The following ADAMTS13 variants were observed in gnomAD, a reference collection of about 807,000 sequenced individuals.
ADAMTS13 encodes the protein A disintegrin and metalloproteinase with thrombospondin motifs 13.
ADAMTS13 carries 110 observed loss-of-function variants against 155.1 expected under a neutral mutation model. The observed-to-expected ratio is 0.71, with a 90% CI of 0.61 to 0.83. The LOEUF is 0.83. ADAMTS13 is among the 40% of genes least tolerant of loss of function. ADAMTS13 has a pLI of 0.00. For missense variants in ADAMTS13, 1,707 were observed against 1,891.7 expected (o/e 0.90, Z 1.81); for synonymous variants, 758 against 756.4 (o/e 1.00, Z -0.03).
At chr9:133,435,529 C>CTT (rs1841122347) in intron 11 of ADAMTS13, among the ~76,000 whole-genome samples, 1 of 139,724 alleles carries the variant, frequency 7.2e-6, no homozygotes, top group South Asian at 2.3e-4. Context: ...TTCTTTCTTT[C>CTT]TTTATTTTTT....
Position 133,449,842 on chromosome 9 carries a change from T to C in ADAMTS13, c.2921T>C (p.Ile974Thr). The C allele has an allele frequency of 6.2e-7, 1 of 1,613,950 alleles. No individual in the cohort carries two copies. Among genetic ancestry groups the C allele is most frequent in the Non-Finnish European group, 8.5e-7 (1 of 1,179,988 alleles). The change falls in exon 23 of 29, where the codon ATC becomes ACC. Residue 974 changes from isoleucine to threonine, a missense_variant. Physicochemically the swap from Ile to Thr is moderately conservative, Grantham distance 89. Coordinates refer to ENST00000355699, the MANE Select transcript of ADAMTS13 (RefSeq NM_139027.6). ...TGTGGGAGAGGGGTCGTGCGGAGGA[T>C]CCTGTATTGTGCCCGGGCCCATGGG... ...VSCGRGVVRR[I>T]LYCARAHGED... is the part of the protein sequence containing the mutation.
intron 23 of ADAMTS13, among the ~76,000 whole-genome samples, chr9:133,453,764 A>G (rs942331433): frequency 3.3e-5 from 5 of 152,170 alleles, no homozygotes; most frequent in South Asian, 2.1e-4. Flanking sequence ...TGATGCCCCA[A>G]TGGAGAACAA....
At chr9:133,444,806 A>G (rs371235752) in intron 19 of ADAMTS13, 57 bp from the exon 20 acceptor site, 327 of 1,584,094 alleles carry the variant, frequency 2.1e-4, no homozygotes, top group Non-Finnish European at 2.5e-4. Flanking sequence ...CAGCTGGGCT[A>G]TACCTTCCCC....
intron 23 of ADAMTS13, 53 bp from the exon 24 acceptor site, chr9:133,454,356 TGGGGCA>T: frequency 6.3e-7 from 1 of 1,591,816 alleles, no homozygotes; most frequent in South Asian, 1.1e-5. Flanking sequence ...GGGGCCTGCG[TGGGGCA>T]GTACTGTCTC....
chr9:133,415,927 G>A (rs917816654), intron 1 of ADAMTS13: 4 of 152,410 alleles, frequency 2.6e-5, no homozygotes, highest in African/African-American at 9.7e-5. Context: ...CGCTCGGGGA[G>A]GCTGAGGTGG....
rs1228216979 is a variant in ADAMTS13, at chr9:133,441,656, C to T, written c.1969-743C>T. 1.3e-5 allele frequency among the ~76,000 whole-genome samples: 2 copies of T among 152,194 alleles called. No homozygotes were observed. The highest frequency in any genetic ancestry group is 2.9e-5 in the Non-Finnish European group (2 of 68,026). On this transcript the variant is annotated intron_variant, in intron 16 of 28. Transcript: ENST00000355699. This position sits in a 1 kb window ranked among gnomAD's most constrained non-coding sequence, Gnocchi z 5.0. ...GGACCCAGTTACCCTCCTGAAGAGC[C>T]TTAGGCCCAGGAACCTGCTGAAGTT...
In ADAMTS13 at chr9:133,456,431, T is replaced by G. The variant is rs1554796017; in HGVS notation, c.3548-112T>G. Reference sequence around the variant, plus strand: ...ATGTGCCCAGTTACTTAGAGTCACATAGCCAGCAGTGGGAGAGGTGGGACT... The same window carrying G: ...ATGTGCCCAGTTACTTAGAGTCACAGAGCCAGCAGTGGGAGAGGTGGGACT... On this transcript the variant is annotated intron_variant, in intron 26 of 28. Coordinates refer to ENST00000355699, the MANE Select transcript of ADAMTS13 (RefSeq NM_139027.6). The surrounding 1 kb of genome is among the most constrained non-coding windows in gnomAD (Gnocchi z 4.4). 4 of 1,436,910 alleles carry G rather than the reference T, an allele frequency of 2.8e-6. No individual in the cohort carries two copies. The highest frequency in any genetic ancestry group is 3.8e-6 in the Non-Finnish European group (4 of 1,049,292). The allele number at this position is 1,436,910 out of a possible 1,614,324, so 89.0% of individuals were successfully genotyped here.
Position 133,436,955 on chromosome 9 carries a change from G to A in ADAMTS13, c.1435G>A (p.Gly479Arg), listed in dbSNP as rs1564422576. The A allele has an allele frequency of 6.3e-7, 1 of 1,597,370 alleles. No individual in the cohort carries two copies. Among genetic ancestry groups the A allele is most frequent in the East Asian group, 2.3e-5 (1 of 44,310 alleles). The change falls in exon 12 of 29, where the codon GGG becomes AGG. Residue 479 changes from glycine to arginine, a missense_variant and splice_region_variant. Gly to Arg is a moderately radical substitution (Grantham distance 125). Coordinates refer to ENST00000355699, the MANE Select transcript of ADAMTS13 (RefSeq NM_139027.6). Reference protein sequence around the residue: ...HWGAAVPHSQGDALCRHMCRA... With the variant: ...HWGAAVPHSQRDALCRHMCRA... The stretch of plus-strand genomic sequence containing the variant: ...GGGTGCTGCTGTACCACACAGCCAA[G>A]GTGGGGCCTGCGGAGTGTGGGGTTG...
Position 133,426,083 on chromosome 9 carries a change from G to A in ADAMTS13, c.539+21G>A, listed in dbSNP as rs1840260968. 2.5e-6 allele frequency: 4 copies of A among 1,613,942 alleles called. No homozygotes were observed. In the East Asian group the frequency reaches 8.9e-5, roughly 36 times the overall value. ...ACTAGGTAGCCGAGCTTTCTGATGG[G>A]TGCTGGCCAGCCAGCCTGGGAAGGC... On this transcript the variant is annotated intron_variant, in intron 5 of 28. Transcript: ENST00000355699.
At chr9:133,418,070 C>T, upstream of ADAMTS13, 3 of 552,836 alleles carry the variant, frequency 5.4e-6, no homozygotes, top group South Asian at 4.7e-5. Context: ...CGGCTGGAAA[C>T]CGGATCCCTG....
chr9:133,429,302 C>A (rs2130801939), intron 7 of ADAMTS13, among the ~76,000 whole-genome samples: 1 of 135,046 alleles, frequency 7.4e-6, no homozygotes, highest in Admixed American at 7.3e-5. Context: ...ACCCCTGCGT[C>A]CTCCCTCGCC....
intron 12 of ADAMTS13, among the ~76,000 whole-genome samples, 197 bp from the exon 13 acceptor site, chr9:133,437,552 C>T (rs587717440): frequency 1.6e-4 from 24 of 152,310 alleles, no homozygotes; most frequent in African/African-American, 5.3e-4. Context: ...ACCATTGCGC[C>T]CAGCCTTGGT....
In ADAMTS13 at chr9:133,448,624, C is replaced by A; in HGVS notation, c.2757C>A (p.Cys919Ter). The change falls in exon 22 of 29, where the codon TGC becomes TGA. Residue 919 changes from cysteine (C) to a stop codon, truncating the protein, a stop_gained. Coordinates refer to ENST00000355699, the MANE Select transcript of ADAMTS13 (RefSeq NM_139027.6). LOFTEE classifies it high-confidence loss of function. ...GRGLMELRFL[C>*]MDSALRVPVQ... ...GTCTGATGGAGCTGCGTTTCCTGTG[C>A]ATGGACTCTGCCCTCAGGGTGCCTG... is the stretch of plus-strand genomic sequence containing the variant. The A allele has an allele frequency of 6.2e-7, 1 of 1,610,444 alleles. No individual in the cohort carries two copies. Among genetic ancestry groups the A allele is most frequent in the South Asian group, 1.1e-5 (1 of 91,060 alleles).
At position 133,455,661 on chromosome 9, in the gene ADAMTS13, ATCTTCC is replaced by A. The variant is rs891384562; in HGVS notation, c.3400+230_3400+235del. On this transcript the variant is annotated intron_variant, in intron 25 of 28. Coordinates refer to ENST00000355699, the MANE Select transcript of ADAMTS13 (RefSeq NM_139027.6). ...TGCTGCAGGAGGGGTGGGCAAAGGC[ATCTTCC>A]TCTGGGAAGGACTGGCACAAGCACT... 124 of 1,584,282 alleles carry A rather than the reference ATCTTCC, an allele frequency of 7.8e-5. No homozygotes were observed. In the African/African-American group the frequency reaches 1.6e-3, roughly 20 times the overall value.
rs1349497808 is a variant in ADAMTS13 at position 133,425,495 on chromosome 9, C to T, written c.331-34C>T. The T allele has an allele frequency of 3.8e-6, 6 of 1,593,938 alleles. No homozygotes were observed. The East Asian group carries it at 6.8e-5, about 18-fold the overall frequency. The stretch of plus-strand genomic sequence containing the variant: ...CTGCCTGGGGCTGGCAATGCCCACC[C>T]GACGGGTTACCTCTCTCATCTGCCC... On this transcript the variant is annotated intron_variant, in intron 3 of 28. Coordinates refer to ENST00000355699, the MANE Select transcript of ADAMTS13 (RefSeq NM_139027.6). The surrounding 1 kb of genome is among the most constrained non-coding windows in gnomAD (Gnocchi z 4.6).
chr9:133,431,678 G>A lies in ADAMTS13; in HGVS notation c.988-910G>A, dbSNP rs139032120. Among the ~76,000 whole-genome samples the A allele has an allele frequency of 4.1e-3, 557 of 135,990 alleles. 5 individuals are homozygous for A. The highest frequency in any genetic ancestry group is 6.5e-3 in the Non-Finnish European group (405 of 62,474). 89.2% of individuals were successfully genotyped at this position (135,990 alleles called of 152,430 possible). A position where few individuals can be genotyped will look rare whatever the true frequency, so the allele number is the denominator to read the frequency against. Reference sequence around the variant, plus strand: ...TTTATTTATTTATTTATTTTGAGACGGAGTCTCGCTCTGTCACCCAGGCTG... The same window carrying A: ...TTTATTTATTTATTTATTTTGAGACAGAGTCTCGCTCTGTCACCCAGGCTG... On this transcript the variant is annotated intron_variant, in intron 8 of 28. Transcript: ENST00000355699.
At position 133,445,560 on chromosome 9, in the gene ADAMTS13, C is replaced by A; in HGVS notation, c.2611-139C>A. On this transcript the variant is annotated intron_variant, in intron 20 of 28. Coordinates refer to ENST00000355699, the MANE Select transcript of ADAMTS13 (RefSeq NM_139027.6). The surrounding 1 kb of genome is among the most constrained non-coding windows in gnomAD (Gnocchi z 5.0). ...TGCGAGACCGGGGAGCCGATCTCGC[C>A]AAGGGAGGAGGGGAGGGAGCCCCTG... 7.3e-7 allele frequency: 1 copy of A among 1,373,982 alleles called. No homozygotes were observed. Among genetic ancestry groups the A allele is most frequent in the Non-Finnish European group, 1.0e-6 (1 of 981,064 alleles). 85.1% of individuals were successfully genotyped at this position (1,373,982 alleles called of 1,614,324 possible). A position where few individuals can be genotyped will look rare whatever the true frequency, so the allele number is the denominator to read the frequency against.
chr9:133,440,464 G>A lies in ADAMTS13; in HGVS notation c.1907G>A (p.Arg636Gln), dbSNP rs1384190916. Reference sequence around the variant, plus strand: ...TACAGAGTGGCCCTCACCGAGGACCGGCTGCCCCGCCTGGAGGAGATCCGC... The same window carrying A: ...TACAGAGTGGCCCTCACCGAGGACCAGCTGCCCCGCCTGGAGGAGATCCGC... Reference protein sequence around the residue: ...VEYRVALTEDRLPRLEEIRIW... With the variant: ...VEYRVALTEDQLPRLEEIRIW... The change falls in exon 16 of 29, where the codon CGG becomes CAG. Residue 636 changes from arginine to glutamine, a missense_variant. Physicochemically the swap from Arg to Gln is conservative, Grantham distance 43. Transcript: ENST00000355699. The surrounding 1 kb of genome is among the most constrained non-coding windows in gnomAD (Gnocchi z 4.3). The A allele has an allele frequency of 9.9e-6, 16 of 1,613,394 alleles. No homozygotes were observed. Among genetic ancestry groups the A allele is most frequent in the East Asian group, 4.5e-5 (2 of 44,874 alleles).
At position 133,425,423 on chromosome 9, in the gene ADAMTS13, T is replaced by C; in HGVS notation, c.331-106T>C. 1 of 909,370 alleles carries C rather than the reference T, an allele frequency of 1.1e-6. No individual in the cohort carries two copies. The highest frequency in any genetic ancestry group is 2.2e-5 in the Admixed American group (1 of 46,120). The allele number at this position is 909,370 out of a possible 1,614,324, so 56.3% of individuals were successfully genotyped here. On this transcript the variant is annotated intron_variant, in intron 3 of 28. Transcript: ENST00000355699. The surrounding 1 kb of genome is among the most constrained non-coding windows in gnomAD (Gnocchi z 4.6). ...CCGGTTCCCACACATGCTGGTGGAG[T>C]AGCCTCTCCAGCTCTTCACACTCCG... is the stretch of plus-strand genomic sequence containing the variant.
Sources: allele counts gnomAD v4.1 joint callset (sites outside exome capture counted in the v4.1 genomes callset), GRCh38; gene constraint gnomAD v4.1.1; non-coding constraint Gnocchi (gnomAD v3.1); transcripts MANE v1.5; gene names NCBI Gene and HGNC (gene_info 2026-07-23, HGNC 2026-07-21).